Variants in RP1 observed in about 807,000 individuals in gnomAD.
RP1 encodes the protein oxygen-regulated protein 1.
A neutral mutation model predicts 14.8 loss-of-function variants in RP1; 16 were observed. The ratio of observed to expected loss-of-function variants is 1.08; its 90% confidence interval spans 0.73 to 1.65. The LOEUF is 1.65. Ranked by LOEUF, RP1 falls within the 40% of genes most tolerant of loss-of-function variation. The pLI is 0.00. For missense variants in RP1, 2,631 were observed against 2,535.0 expected (o/e 1.04, Z -0.81); for synonymous variants, 876 against 883.6 (o/e 0.99, Z 0.15).
intron 12 of RP1, among the ~76,000 whole-genome samples, chr8:54,689,548 G>A (rs566895978): frequency 6.6e-6 from 1 of 152,160 alleles, no homozygotes; most frequent in South Asian, 2.1e-4. Context: ...TATAAATATT[G>A]CCACATCTCT....
intron 24 of RP1, chr8:54,783,836 A>G (rs1810250219): frequency 1.6e-5 from 9 of 552,750 alleles, no homozygotes; most frequent in Non-Finnish European, 2.4e-5. Flanking sequence ...TGCTTGGTGT[A>G]TGTGGCATGT....
chr8:54,563,023 T>C (rs1298831660), intron 1 of RP1, among the ~76,000 whole-genome samples: 1 of 152,194 alleles, frequency 6.6e-6, no homozygotes, highest in Admixed American at 6.5e-5. Context: ...GTCAAAGATG[T>C]CCCAGTAATG....
Position 54,582,966 on chromosome 8 carries a change from C to G in RP1, c.-13+23646C>G, listed in dbSNP as rs549975206. 8.5e-5 allele frequency among the ~76,000 whole-genome samples: 13 copies of G among 152,288 alleles called. No homozygotes were observed. The East Asian group carries it at 2.5e-3, about 29-fold the overall frequency. ...GGAAACAGGGACAATTTGACTTCCT[C>G]TTTTCCTACTTGAATACCCTTTATT... On this transcript the variant is annotated intron_variant, in intron 1 of 22. Coordinates refer to the RP1 transcript ENST00000636932.
chr8:54,606,855 A>C (rs1341881837), intron 1 of RP1, among the ~76,000 whole-genome samples: 1 of 152,104 alleles, frequency 6.6e-6, no homozygotes, highest in Non-Finnish European at 1.5e-5. Flanking sequence ...AGGCTTGTGC[A>C]TTCGTCACGT....
chr8:54,573,656 A>G (rs1804581106), intron 1 of RP1, among the ~76,000 whole-genome samples: 2 of 152,246 alleles, frequency 1.3e-5, no homozygotes, highest in Non-Finnish European at 2.9e-5. Flanking sequence ...CAACAAGGTC[A>G]TAATGAGGCA....
chr8:54,819,576 C>A (rs1462921306), intron 24 of RP1, among the ~76,000 whole-genome samples: 1 of 152,160 alleles, frequency 6.6e-6, no homozygotes, highest in African/African-American at 2.4e-5. Context: ...CTAATCTTCA[C>A]AGTCTGAGCT....
intron 5 of RP1, among the ~76,000 whole-genome samples, chr8:54,655,259 T>G (rs1451815863): frequency 2.0e-5 from 3 of 152,210 alleles, no homozygotes; most frequent in Non-Finnish European, 2.9e-5. Context: ...ACTGGCATGC[T>G]TATTCACTAT....
chr8:54,758,310 A>T (rs1194809376), intron 21 of RP1, among the ~76,000 whole-genome samples: 1 of 152,192 alleles, frequency 6.6e-6, no homozygotes, highest in Non-Finnish European at 1.5e-5. Context: ...TCTCTCTGGA[A>T]ATGTCAGTGT....
At chr8:54,636,995 A>G (rs1278287327) in intron 3 of RP1, among the ~76,000 whole-genome samples, 1 of 152,160 alleles carries the variant, frequency 6.6e-6, no homozygotes, top group African/African-American at 2.4e-5. Flanking sequence ...CTGTTCACCT[A>G]TTAGTTTGCA....
chr8:54,868,386 C>A (rs761028416), intron 28 of RP1, among the ~76,000 whole-genome samples: 1 of 152,128 alleles, frequency 6.6e-6, no homozygotes, highest in Non-Finnish European at 1.5e-5. Flanking sequence ...AACTGTTTTC[C>A]TTGCCTTTTC....
chr8:54,601,438 G>C (rs1187858237), intron 1 of RP1, among the ~76,000 whole-genome samples: 1 of 144,914 alleles, frequency 6.9e-6, no homozygotes, highest in East Asian at 2.2e-4. Flanking sequence ...TGGGGGAGGG[G>C]GGAGGGATAG....
In RP1 at chr8:54,727,586, A is replaced by AT. The variant is rs1020463517; in HGVS notation, c.2521+1118dup. On this transcript the variant is annotated intron_variant, in intron 17 of 22. Transcript: ENST00000636932. ...TGTTACCATTATGAAATTTTTAAGG[A>AT]TTTTTTTTACTGAGGCTGGCCAAGT... Among the ~76,000 whole-genome samples the AT allele has an allele frequency of 9.2e-5, 14 of 152,050 alleles. No homozygotes were observed. The South Asian group carries it at 1.0e-3, about 11-fold the overall frequency.
rs142866119 is a variant in RP1, at chr8:54,629,796, A to G, written c.5914A>G (p.Asn1972Asp). The G allele has an allele frequency of 6.2e-7, 1 of 1,611,576 alleles. No homozygotes were observed. The highest frequency in any genetic ancestry group is 1.3e-5 in the African/African-American group (1 of 74,758). The change falls in exon 4 of 4, where the codon AAT (asparagine) becomes GAT (aspartate). Residue 1972 changes from asparagine to aspartate, a missense_variant. Asn to Asp is a conservative substitution (Grantham distance 23). Transcript: ENST00000220676. Reference sequence around the variant, plus strand: ...CAAAAATGTGTTCAGGGAAGAGAACAATAAAGCAAGTATGAGACAAAATCT... The same window carrying G: ...CAAAAATGTGTTCAGGGAAGAGAACGATAAAGCAAGTATGAGACAAAATCT... ...TDKNVFREEN[N>D]KASMRQNLID...
At chr8:54,592,797 T>C (rs1001439779) in intron 1 of RP1, among the ~76,000 whole-genome samples, 1 of 152,122 alleles carries the variant, frequency 6.6e-6, no homozygotes, top group African/African-American at 2.4e-5. Context: ...TGTTGCCCCT[T>C]AGTGGCTCCA....
At chr8:54,761,928 A>T (rs1433349175) in intron 22 of RP1, among the ~76,000 whole-genome samples, 1 of 152,210 alleles carries the variant, frequency 6.6e-6, no homozygotes, top group Admixed American at 6.5e-5. Context: ...TTTCTACTGC[A>T]GAAAAAGGCC....
chr8:54,832,374 A>C (rs1190958073), intron 24 of RP1, among the ~76,000 whole-genome samples: 1 of 151,792 alleles, frequency 6.6e-6, no homozygotes, highest in Non-Finnish European at 1.5e-5. Flanking sequence ...AACTGTCTTC[A>C]AGTTTACTGA....
chr8:54,757,290 T>C (rs957218054), intron 21 of RP1, among the ~76,000 whole-genome samples: 15 of 152,226 alleles, frequency 9.9e-5, no homozygotes, highest in African/African-American at 3.4e-4. Context: ...TAGCAATATA[T>C]GTAACAGACC....
intron 5 of RP1, among the ~76,000 whole-genome samples, chr8:54,653,253 T>G (rs1191869810): frequency 6.6e-6 from 1 of 152,200 alleles, no homozygotes; most frequent in East Asian, 1.9e-4. Context: ...GCTTTGAAAT[T>G]TAGTCTATTC....
chr8:54,863,484 A>G (rs1027259385), intron 27 of RP1, among the ~76,000 whole-genome samples: 1 of 152,122 alleles, frequency 6.6e-6, no homozygotes, highest in Non-Finnish European at 1.5e-5. Context: ...CATATATTTT[A>G]AGTCTTGCTT....
Sources: allele counts gnomAD v4.1 joint callset (sites outside exome capture counted in the v4.1 genomes callset), GRCh38; gene constraint gnomAD v4.1.1; transcripts MANE v1.5; gene names NCBI Gene and HGNC (gene_info 2026-07-23, HGNC 2026-07-21).